PCDHGB2: variants seen among roughly 807,000 people sequenced by gnomAD.
PCDHGB2 encodes protocadherin gamma subfamily B, 2.
PCDHGB2 carries 55 observed loss-of-function variants against 59.3 expected under a neutral mutation model. The ratio of observed to expected loss-of-function variants is 0.93; its 90% CI spans 0.75 to 1.16. PCDHGB2 has a LOEUF of 1.16. Among genes scored for constraint, PCDHGB2 ranks in the 50% most tolerant of loss-of-function variants. The pLI, the probability that PCDHGB2 is intolerant of heterozygous loss-of-function variation, is 0.00. For synonymous variants in PCDHGB2, 516 were observed against 512.0 expected, an observed-to-expected ratio of 1.01 and a Z score of -0.11; for missense variants, 1,228 against 1,198.5, an observed-to-expected ratio of 1.02 and a Z score of -0.36.
rs1226463441 is a variant in PCDHGB2, at chr5:141,432,906, T to A, written c.2422-61901T>A. 6.2e-7 allele frequency: 1 copy of A among 1,614,176 alleles called. No individual in the cohort carries two copies. The highest frequency in any genetic ancestry group is 8.5e-7 in the Non-Finnish European group (1 of 1,180,002). ...GTCATCTTGCTGCTGGCGCTCAGGC[T>A]GCGGCGCTGGCACAAGTCACGCCTG... On this transcript the variant is annotated intron_variant, in intron 1 of 3. Coordinates refer to ENST00000522605, the MANE Select transcript of PCDHGB2 (RefSeq NM_018923.3). The surrounding 1 kb of genome is among the most constrained non-coding windows in gnomAD (Gnocchi z 6.0).
intron 1 of PCDHGB2, among the ~76,000 whole-genome samples, chr5:141,455,803 A>G (rs1197986124): frequency 6.6e-6 from 1 of 152,068 alleles, no homozygotes; most frequent in Non-Finnish European, 1.5e-5. Context: ...TGCTTTAAAA[A>G]ATGAAAACTT....
chr5:141,385,588 A>G (rs1290476871), intron 1 of PCDHGB2: 11 of 1,258,860 alleles, frequency 8.7e-6, no homozygotes, highest in East Asian at 3.3e-5. Context: ...CTATGTTCCA[A>G]CCTACTTTCT....
At chr5:141,394,859 C>G in intron 1 of PCDHGB2, 4 of 1,613,758 alleles carry the variant, frequency 2.5e-6, no homozygotes, top group Non-Finnish European at 3.4e-6. Flanking sequence ...AGCCTTCGGT[C>G]GACCCGAACG....
At position 141,423,537 on chromosome 5, in the gene PCDHGB2, T is replaced by A. The variant is rs201034039; in HGVS notation, c.2421+60981T>A. 1.4e-4 allele frequency: 225 copies of A among 1,613,694 alleles called. 2 individuals carry two copies. In the South Asian group the frequency reaches 2.3e-3, roughly 16 times the overall value. On this transcript the variant is annotated intron_variant, in intron 1 of 3. Coordinates refer to ENST00000522605, the MANE Select transcript of PCDHGB2 (RefSeq NM_018923.3). ...CGGACTCGCAGAAGAGTCACCTGAT[T>A]TTCCCCCAGCCCAACTATGGGGACA...
chr5:141,506,435 G>T (rs1470687416), intron 3 of PCDHGB2, among the ~76,000 whole-genome samples: 1 of 126,234 alleles, frequency 7.9e-6, no homozygotes, highest in Non-Finnish European at 1.6e-5. Context: ...CAACAGTCTC[G>T]CTCTGTCTCA....
Position 141,487,631 on chromosome 5 carries a change from G to T in PCDHGB2, c.2422-7176G>T. Reference sequence around the variant, plus strand: ...TGGGCTAGAGGTGAGACCTTTGCAGGCTCAACAAATGCTTGAGGGTTATTC... The same window carrying T: ...TGGGCTAGAGGTGAGACCTTTGCAGTCTCAACAAATGCTTGAGGGTTATTC... On this transcript the variant is annotated intron_variant, in intron 1 of 3. Transcript: ENST00000522605. The surrounding 1 kb of genome is among the most constrained non-coding windows in gnomAD (Gnocchi z 5.0). The T allele has an allele frequency of 6.2e-7, 1 of 1,614,176 alleles. No individual in the cohort carries two copies. Among genetic ancestry groups the T allele is most frequent in the Non-Finnish European group, 8.5e-7 (1 of 1,180,032 alleles).
chr5:141,372,639 C>A (rs760209074), intron 1 of PCDHGB2: 1 of 1,613,842 alleles, frequency 6.2e-7, no homozygotes, highest in Non-Finnish European at 8.5e-7. Flanking sequence ...AAGGACTTTG[C>A]CTTATTCCTA....
At chr5:141,420,029 G>T (rs1382842280) in intron 1 of PCDHGB2, 2 of 1,614,082 alleles carry the variant, frequency 1.2e-6, no homozygotes, top group Non-Finnish European at 1.7e-6. Flanking sequence ...CCCTACTGCA[G>T]GAGACTGCTT....
At chr5:141,375,581 C>A in intron 1 of PCDHGB2, 2 of 1,614,174 alleles carry the variant, frequency 1.2e-6, no homozygotes, top group Non-Finnish European at 8.5e-7. Context: ...CCAGGGGGCG[C>A]CCCTGTCCTC....
At chr5:141,427,222 A>T (rs536161247) in intron 1 of PCDHGB2, 8 of 456,774 alleles carry the variant, frequency 1.8e-5, no homozygotes, top group Non-Finnish European at 3.5e-5. Flanking sequence ...CGTAGCAGTT[A>T]TACCATGAGA....
intron 1 of PCDHGB2, chr5:141,376,073 GTGGCCGACAGGATCCCCGACATCC>G: frequency 1.2e-6 from 2 of 1,613,508 alleles, no homozygotes; most frequent in Non-Finnish European, 1.7e-6. Flanking sequence ...CACCGTGGCC[GTGGCCGACAGGATCCCCGACATCC>G]TGGCCGACCT....
chr5:141,445,608 C>T (rs2098472204), intron 1 of PCDHGB2, among the ~76,000 whole-genome samples: 1 of 152,108 alleles, frequency 6.6e-6, no homozygotes, highest in South Asian at 2.1e-4. Context: ...TCAAGGAAGG[C>T]TTTCTTTTTT....
chr5:141,471,042 C>G (rs2099247416), intron 1 of PCDHGB2, among the ~76,000 whole-genome samples: 1 of 139,088 alleles, frequency 7.2e-6, no homozygotes, highest in South Asian at 2.3e-4. Flanking sequence ...CAAGCCCAAG[C>G]CCTCTTTTTT....
chr5:141,419,564 C>A (rs2096400387), intron 1 of PCDHGB2: 5 of 1,611,832 alleles, frequency 3.1e-6, no homozygotes, highest in Non-Finnish European at 4.2e-6. Context: ...TGCGCTGGGT[C>A]CCGACGGCTC....
intron 1 of PCDHGB2, chr5:141,441,078 G>T (rs1443239760): frequency 2.0e-5 from 3 of 152,140 alleles, no homozygotes; most frequent in Non-Finnish European, 4.4e-5. Context: ...CCATGGTTTT[G>T]GTAGCAAGTG....
rs1412265811 is a variant in PCDHGB2, at chr5:141,461,565, A to G, written c.2422-33242A>G. Among the ~76,000 whole-genome samples the G allele has an allele frequency of 2.6e-5, 4 of 152,178 alleles. No individual in the cohort carries two copies. The East Asian group carries it at 7.7e-4, about 29-fold the overall frequency. On this transcript the variant is annotated intron_variant, in intron 1 of 3. Coordinates refer to ENST00000522605, the MANE Select transcript of PCDHGB2 (RefSeq NM_018923.3). ...CCTTTGTCAGATGTGTACTTTGCAA[A>G]GATAATATTTTGGATGTTATATTTC...
intron 1 of PCDHGB2, among the ~76,000 whole-genome samples, chr5:141,382,389 T>A (rs1778164859): frequency 6.6e-6 from 1 of 152,228 alleles, no homozygotes; most frequent in South Asian, 2.1e-4. Flanking sequence ...AATAACTGAT[T>A]TTCCCATGTG....
chr5:141,498,827 G>C (rs2099786072), intron 2 of PCDHGB2, among the ~76,000 whole-genome samples: 1 of 152,102 alleles, frequency 6.6e-6, no homozygotes, highest in Non-Finnish European at 1.5e-5. Context: ...CAGCTACTCA[G>C]GAGGCTGAGG....
At position 141,388,118 on chromosome 5, in the gene PCDHGB2, C is replaced by A. The variant is rs771996326; in HGVS notation, c.2421+25562C>A. The A allele has an allele frequency of 1.1e-5, 15 of 1,412,700 alleles. No homozygotes were observed. In the Admixed American group the frequency reaches 3.0e-4, roughly 28 times the overall value. The allele number at this position is 1,412,700 out of a possible 1,614,324, so 87.5% of individuals were successfully genotyped here. A position where few individuals can be genotyped will look rare whatever the true frequency, so the allele number is the denominator to read the frequency against. On this transcript the variant is annotated intron_variant, in intron 1 of 3. Coordinates refer to ENST00000522605, the MANE Select transcript of PCDHGB2 (RefSeq NM_018923.3). ...CGGAGAAGCCTTACTTCACCGTGAG[C>A]GCAGAGAGCGGGGAGTTGCTTGTGA...
Sources: gnomAD v4.1 joint callset for allele counts (sites outside exome capture counted in the v4.1 genomes callset) on GRCh38, gnomAD v4.1.1 for gene constraint, Gnocchi (gnomAD v3.1) non-coding constraint, MANE v1.5 for transcripts, NCBI Gene and HGNC (gene_info 2026-07-23, HGNC 2026-07-21) for gene names.